COL28A1: variants seen among roughly 807,000 people sequenced by gnomAD.
COL28A1 encodes collagen alpha-1(XXVIII) chain.
A neutral mutation model predicts 150.2 loss-of-function variants in COL28A1; 161 were observed. The ratio of observed to expected loss-of-function variants is 1.07; its 90% CI spans 0.94 to 1.22. The LOEUF (loss-of-function observed/expected upper bound fraction) is 1.22. Among genes scored for constraint, COL28A1 ranks in the 50% most tolerant of loss-of-function variants. The pLI, the probability that COL28A1 is intolerant of heterozygous loss-of-function variation, is 0.00. For synonymous variants in COL28A1, 552 were observed against 469.7 expected (o/e 1.18, Z -2.26); for missense variants, 1,617 against 1,388.3 (o/e 1.16, Z -2.62).
chr7:7,437,169 A>G (rs1040564026), intron 22 of COL28A1, among the ~76,000 whole-genome samples: 6 of 152,208 alleles, frequency 3.9e-5, no homozygotes, highest in Non-Finnish European at 7.3e-5. Context: ...TGGAAGACGT[A>G]ATGAAGGGTA....
intron 7 of COL28A1, among the ~76,000 whole-genome samples, chr7:7,516,862 G>A: frequency 6.6e-6 from 1 of 151,930 alleles, no homozygotes; most frequent in East Asian, 1.9e-4. Flanking sequence ...CCAAAGTGCT[G>A]GTATTACAGG....
At chr7:7,349,582 C>T in the COL28A1 span, among the ~76,000 whole-genome samples, 1 of 152,164 alleles carries the variant, frequency 6.6e-6, no homozygotes, top group Admixed American at 6.6e-5. Context: ...TTTTCCCGTC[C>T]ATCCTGGAAA....
intron 31 of COL28A1, among the ~76,000 whole-genome samples, chr7:7,374,038 A>AAAAAAAAAAAAAATATATAT: frequency 6.2e-5 from 7 of 113,626 alleles, no homozygotes; most frequent in African/African-American, 2.7e-4. Context: ...AAAAAAAAAA[A>AAAAAAAAAAAAAATATATAT]ATATATATAT....
At chr7:7,393,989 C>T (rs201313208) in intron 27 of COL28A1, among the ~76,000 whole-genome samples, 1 of 146,742 alleles carries the variant, frequency 6.8e-6, no homozygotes. Context: ...AAAAAAAAAA[C>T]ACTCCTGCAG....
the COL28A1 span, among the ~76,000 whole-genome samples, chr7:7,350,655 CTT>C: frequency 7.8e-5 from 9 of 115,074 alleles, no homozygotes; most frequent in Non-Finnish European, 1.4e-4. Flanking sequence ...GTTTTCTTTC[CTT>C]TTTTTTTTTT....
intron 25 of COL28A1, among the ~76,000 whole-genome samples, chr7:7,424,659 T>C (rs999993347): frequency 1.3e-5 from 2 of 152,052 alleles, no homozygotes; most frequent in Non-Finnish European, 2.9e-5. Context: ...GGTAACAACA[T>C]CTATCACTTT....
chr7:7,532,760 T>C lies in COL28A1; in HGVS notation c.116A>G (p.Asp39Gly), dbSNP rs1399043952. 5.6e-6 allele frequency: 9 copies of C among 1,608,916 alleles called. No homozygotes were observed. Among genetic ancestry groups the C allele is most frequent in the Middle Eastern group, 1.7e-4 (1 of 6,042 alleles). ...PKSNLLARKSDVQGSICFIDI... is the reference protein window; with the variant it reads ...PKSNLLARKSGVQGSICFIDI... ...AATTTTTTTTTTTTTACCCTGGACA[T>C]CACTTTTCCTTGCAAGCAAATTTGA... Residue 39 changes from aspartate (D) to glycine (G), a missense_variant, in exon 2 of 35, where the codon GAT becomes GGT. By Grantham distance (94) the Asp-to-Gly change is moderately conservative. Coordinates refer to ENST00000399429, the MANE Select transcript of COL28A1 (RefSeq NM_001037763.3).
intron 13 of COL28A1, among the ~76,000 whole-genome samples, chr7:7,485,625 G>A (rs941333631): frequency 2.0e-5 from 3 of 152,078 alleles, no homozygotes; most frequent in Non-Finnish European, 4.4e-5. Flanking sequence ...GATCCATTTT[G>A]AGTTACTTTT....
rs998076191 is a variant in COL28A1 at position 7,533,002 on chromosome 7, T to A, written c.-37-90A>T. 2.0e-5 allele frequency: 26 copies of A among 1,286,952 alleles called. No individual in the cohort carries two copies. In the African/African-American group the frequency reaches 2.9e-4, roughly 14 times the overall value. 79.7% of individuals were successfully genotyped at this position (1,286,952 alleles called of 1,614,324 possible). On this transcript the variant is annotated intron_variant, in intron 1 of 34. Transcript: ENST00000399429. ...AAGCCAGCAGGGTTGAAAACTGGCA[T>A]GTGACTGGAAAAAAGAGGTTTTCAT...
At chr7:7,402,931 T>C (rs1783293783) in intron 27 of COL28A1, among the ~76,000 whole-genome samples, 1 of 152,186 alleles carries the variant, frequency 6.6e-6, no homozygotes, top group African/African-American at 2.4e-5. Context: ...GACTCATGTT[T>C]TTTCCTTGGA....
intron 11 of COL28A1, among the ~76,000 whole-genome samples, chr7:7,500,172 G>A (rs1780440991): frequency 6.6e-6 from 1 of 152,104 alleles, no homozygotes; most frequent in Non-Finnish European, 1.5e-5. Flanking sequence ...CCATCTCCTT[G>A]ACCCTTCTAC....
intron 15 of COL28A1, among the ~76,000 whole-genome samples, chr7:7,457,818 T>C (rs1160187788): frequency 6.6e-6 from 1 of 152,192 alleles, no homozygotes; most frequent in Non-Finnish European, 1.5e-5. Flanking sequence ...AATTAGTTGA[T>C]GACAGAGAAT....
Position 7,443,570 on chromosome 7 carries a change from CTG to C in COL28A1, c.1650+13_1650+14del, listed in dbSNP as rs1562666474. ...AGAACACAGGCTGCTTCCACCAACA[CTG>C]TCATTTCCATACCTTGGGGCCAGGC... On this transcript the variant is annotated intron_variant, in intron 20 of 34. Coordinates refer to ENST00000399429, the MANE Select transcript of COL28A1 (RefSeq NM_001037763.3). The C allele has an allele frequency of 6.2e-7, 1 of 1,613,922 alleles. No homozygotes were observed. The highest frequency in any genetic ancestry group is 1.1e-5 in the South Asian group (1 of 91,038).
At chr7:7,530,889 TACTC>T (rs781101619) in intron 3 of COL28A1, among the ~76,000 whole-genome samples, 1 of 152,166 alleles carries the variant, frequency 6.6e-6, no homozygotes, top group Admixed American at 6.6e-5. Flanking sequence ...GAGTCAAAAA[TACTC>T]AGTCCTTTAG....
intron 27 of COL28A1, among the ~76,000 whole-genome samples, chr7:7,387,430 G>C (rs1416337192): frequency 6.6e-6 from 1 of 152,066 alleles, no homozygotes; most frequent in African/African-American, 2.4e-5. Flanking sequence ...GAGTTCTATA[G>C]ATTAAATAGT....
intron 23 of COL28A1, among the ~76,000 whole-genome samples, chr7:7,433,176 TA>T (rs1278080475): frequency 6.6e-6 from 1 of 152,194 alleles, no homozygotes; most frequent in Non-Finnish European, 1.5e-5. Flanking sequence ...AAACTTTTAG[TA>T]ACAGCCCTTA....
chr7:7,396,341 A>G (rs1310552353), intron 27 of COL28A1, among the ~76,000 whole-genome samples: 1 of 152,196 alleles, frequency 6.6e-6, no homozygotes, highest in Non-Finnish European at 1.5e-5. Flanking sequence ...TATATACATG[A>G]TAAAACCAAG....
intron 13 of COL28A1, among the ~76,000 whole-genome samples, chr7:7,482,234 C>A (rs1232982783): frequency 6.6e-6 from 1 of 152,070 alleles, no homozygotes; most frequent in African/African-American, 2.4e-5. Flanking sequence ...TTCAAAAATT[C>A]ACATTGTTGG....
intron 10 of COL28A1, 65 bp from the exon 11 acceptor site, chr7:7,506,132 T>G: frequency 2.3e-6 from 2 of 866,464 alleles, no homozygotes; most frequent in Non-Finnish European, 4.0e-6. Context: ...TGAATCATTC[T>G]TTAGGGTCCC....
Sources: gnomAD v4.1 joint callset for allele counts (sites outside exome capture counted in the v4.1 genomes callset) on GRCh38, gnomAD v4.1.1 for gene constraint, MANE v1.5 for transcripts, NCBI Gene and HGNC (gene_info 2026-07-23, HGNC 2026-07-21) for gene names.